LNX1: variants seen among roughly 807,000 people sequenced by gnomAD.
LNX1 encodes E3 ubiquitin-protein ligase LNX.
A neutral mutation model predicts 68.4 loss-of-function variants in LNX1; 54 were observed. The observed-to-expected ratio is 0.79, with a 90% confidence interval of 0.63 to 0.99. The LOEUF (loss-of-function observed/expected upper bound fraction) is 0.99, where lower values mean the gene tolerates loss of function less well. Ranked by LOEUF, LNX1 falls within the 50% of genes least tolerant of loss-of-function variation. The probability of loss-of-function intolerance (pLI) is 0.00; values close to 1 mark genes in which losing one functional copy is unlikely to be tolerated. For missense variants in LNX1, 906 were observed against 926.4 expected, an observed-to-expected ratio of 0.98 and a Z score of 0.29; for synonymous variants, 336 against 350.0, an observed-to-expected ratio of 0.96 and a Z score of 0.45.
At chr4:53,579,386 C>A (rs755620883) in intron 1 of LNX1, 1 of 438,226 alleles carries the variant, frequency 2.3e-6, no homozygotes, top group Non-Finnish European at 3.0e-6. Context: ...ATATATGGAG[C>A]CAAAACCCCC....
intron 9 of LNX1, among the ~76,000 whole-genome samples, chr4:53,464,255 A>G (rs1375689974): frequency 2.0e-5 from 3 of 152,146 alleles, no homozygotes; most frequent in Non-Finnish European, 4.4e-5. Context: ...AATAGATTCC[A>G]GTGAGTAATG....
At chr4:53,493,042 T>C (rs1419186485) in intron 6 of LNX1, among the ~76,000 whole-genome samples, 3 of 152,122 alleles carry the variant, frequency 2.0e-5, no homozygotes, top group Admixed American at 2.0e-4. Flanking sequence ...CGATCTTGGC[T>C]CACTGAAACC....
chr4:53,461,725 A>C (rs1248428589), intron 9 of LNX1, 132 bp from the exon 10 acceptor site: 1 of 584,580 alleles, frequency 1.7e-6, no homozygotes, highest in Admixed American at 3.2e-5. Flanking sequence ...GTCCCACTCA[A>C]AATTGTATCA....
chr4:53,576,181 T>C, intron 1 of LNX1: 3 of 1,579,910 alleles, frequency 1.9e-6, no homozygotes, highest in Non-Finnish European at 2.6e-6. Flanking sequence ...TGACTTTCAG[T>C]GGTGGGTGGA....
rs557280129 is a variant in LNX1 at position 53,562,466 on chromosome 4, C to CT, written c.380+11156dup. On this transcript the variant is annotated intron_variant, in intron 2 of 10. Coordinates refer to ENST00000263925, the MANE Select transcript of LNX1 (RefSeq NM_001126328.3). ...TATTCCCATAAAAGAGCTCTCTAGT[C>CT]TGAAGACAATCAATGATCTAGCCAG... is the stretch of plus-strand genomic sequence containing the variant. 5.7e-3 allele frequency among the ~76,000 whole-genome samples: 873 copies of CT among 152,342 alleles called. 6 individuals carry two copies. Among genetic ancestry groups the CT allele is most frequent in the African/African-American group, 0.02 (822 of 41,570 alleles).
upstream of LNX1, among the ~76,000 whole-genome samples, chr4:53,622,134 A>T (rs1433150544): frequency 2.0e-5 from 3 of 152,202 alleles, 1 homozygote; most frequent in East Asian, 3.8e-4. Context: ...AGATATTTTT[A>T]AAAACATGAT....
intron 2 of LNX1, among the ~76,000 whole-genome samples, chr4:53,605,853 G>C (rs1475852440): frequency 6.6e-6 from 1 of 152,112 alleles, no homozygotes; most frequent in Admixed American, 6.6e-5. Flanking sequence ...TTCATAGCTT[G>C]GCTATTATGA....
At chr4:53,485,345 A>T (rs1021963935) in intron 6 of LNX1, among the ~76,000 whole-genome samples, 6 of 152,232 alleles carry the variant, frequency 3.9e-5, no homozygotes, top group Non-Finnish European at 8.8e-5. Context: ...AGGAGTAGCC[A>T]CATGATCTAA....
intron 2 of LNX1, chr4:53,549,557 A>T (rs752899602): frequency 2.6e-5 from 4 of 151,796 alleles, no homozygotes; most frequent in Non-Finnish European, 5.9e-5. Context: ...TTATTAAAGA[A>T]TTATGGTTGT....
At chr4:53,488,311 G>A (rs551379229) in intron 6 of LNX1, among the ~76,000 whole-genome samples, 74 of 152,154 alleles carry the variant, frequency 4.9e-4, no homozygotes, top group Admixed American at 9.2e-4. Context: ...GCCCAGTAGG[G>A]CAACCCCACA....
chr4:53,496,642 C>A, intron 5 of LNX1: 1 of 420,252 alleles, frequency 2.4e-6, no homozygotes, highest in South Asian at 8.1e-5. Flanking sequence ...TTACCCAAGC[C>A]CACATATTTA....
chr4:53,508,322 A>T, intron 2 of LNX1, 95 bp from the exon 3 acceptor site: 1 of 1,465,872 alleles, frequency 6.8e-7, no homozygotes, highest in Non-Finnish European at 9.2e-7. Context: ...AATGTATAAT[A>T]GGCTTGTTGA....
At chr4:53,475,713 C>T (rs1162022850) in intron 9 of LNX1, among the ~76,000 whole-genome samples, 1 of 152,184 alleles carries the variant, frequency 6.6e-6, no homozygotes, top group Non-Finnish European at 1.5e-5. Flanking sequence ...GGTGAGCAAA[C>T]ACCAACTTGT....
At chr4:53,545,509 C>T (rs147480472) in intron 2 of LNX1, among the ~76,000 whole-genome samples, 60 of 152,300 alleles carry the variant, frequency 3.9e-4, no homozygotes, top group African/African-American at 1.3e-3. Flanking sequence ...CTCAATAAAT[C>T]AGAGTTTTCT....
At chr4:53,485,201 G>A (rs1040428627) in intron 6 of LNX1, among the ~76,000 whole-genome samples, 1 of 152,180 alleles carries the variant, frequency 6.6e-6, no homozygotes, top group Non-Finnish European at 1.5e-5. Context: ...TAAAAGATAA[G>A]AAGTGGTGAA....
chr4:53,652,147 G>A (rs984901356), intron 1 of LNX1: 1 of 152,176 alleles, frequency 6.6e-6, no homozygotes, highest in Admixed American at 6.6e-5. Context: ...TCTACCTGGT[G>A]GAGGAACCGG....
At chr4:53,569,484 C>T (rs1174030272) in intron 2 of LNX1, among the ~76,000 whole-genome samples, 2 of 124,432 alleles carry the variant, frequency 1.6e-5, no homozygotes, top group Non-Finnish European at 3.4e-5. Context: ...AACTGGATCC[C>T]TTCCTTACAC....
intron 2 of LNX1, chr4:53,603,420 G>T (rs1733100575): frequency 6.6e-6 from 1 of 152,252 alleles, no homozygotes; most frequent in African/African-American, 2.4e-5. Context: ...AGGCAGGGTG[G>T]ATATGCAGCT....
At chr4:53,468,217 C>T (rs1205621741) in intron 9 of LNX1, among the ~76,000 whole-genome samples, 1 of 152,104 alleles carries the variant, frequency 6.6e-6, no homozygotes, top group Non-Finnish European at 1.5e-5. Context: ...AATTTTCAAC[C>T]CAGAATTTCA....
Sources: allele counts gnomAD v4.1 joint callset (sites outside exome capture counted in the v4.1 genomes callset), GRCh38; gene constraint gnomAD v4.1.1; transcripts MANE v1.5; gene names NCBI Gene and HGNC (gene_info 2026-07-23, HGNC 2026-07-21).